Variants in PARD3B observed in about 807,000 individuals in gnomAD.
PARD3B encodes the protein partitioning defective 3 homolog B.
In PARD3B, 103 loss-of-function variants were observed where a neutral mutation model predicts 130.2. The observed-to-expected ratio is 0.79, with a 90% CI of 0.67 to 0.93. The LOEUF (loss-of-function observed/expected upper bound fraction) is 0.93. Ranked by LOEUF, PARD3B falls within the 40% of genes least tolerant of loss-of-function variation. PARD3B has a pLI of 0.00. For missense variants in PARD3B, 1,609 were observed against 1,499.2 expected, an observed-to-expected ratio of 1.07 and a Z score of -1.21; for synonymous variants, 583 against 553.2, an observed-to-expected ratio of 1.05 and a Z score of -0.76.
intron 20 of PARD3B, among the ~76,000 whole-genome samples, chr2:205,472,002 G>A (rs887117470): frequency 6.6e-6 from 1 of 152,154 alleles, no homozygotes; most frequent in Non-Finnish European, 1.5e-5. Flanking sequence ...AGCAAGGCTG[G>A]TTTCTGTCTG....
At chr2:205,609,835 C>T (rs2055166506) in intron 22 of PARD3B, among the ~76,000 whole-genome samples, 1 of 152,120 alleles carries the variant, frequency 6.6e-6, no homozygotes, top group Admixed American at 6.6e-5. Context: ...CTCTGTGACT[C>T]TTCAACTTCA....
chr2:204,643,039 G>C (rs1438009314), intron 1 of PARD3B, among the ~76,000 whole-genome samples: 1 of 145,964 alleles, frequency 6.9e-6, no homozygotes, highest in Non-Finnish European at 1.5e-5. Flanking sequence ...ATTTGAACCC[G>C]GGGGGCGCAG....
At chr2:205,453,848 A>G (rs2048183928) in intron 20 of PARD3B, among the ~76,000 whole-genome samples, 2 of 152,194 alleles carry the variant, frequency 1.3e-5, no homozygotes, top group African/African-American at 4.8e-5. Context: ...GACATAGGGT[A>G]TGTGTATAGC....
chr2:205,058,177 T>A (rs963166274), intron 4 of PARD3B, among the ~76,000 whole-genome samples: 8 of 151,940 alleles, frequency 5.3e-5, no homozygotes, highest in Non-Finnish European at 1.2e-4. Flanking sequence ...TGTCCTTTTT[T>A]AATTGTATTT....
chr2:204,997,683 A>G (rs1575515921), intron 3 of PARD3B, among the ~76,000 whole-genome samples: 1 of 151,858 alleles, frequency 6.6e-6, no homozygotes, highest in Non-Finnish European at 1.5e-5. Flanking sequence ...TTTTCAAATT[A>G]TTTTATTTTT....
At chr2:205,556,660 A>C (rs978098734) in intron 22 of PARD3B, among the ~76,000 whole-genome samples, 7 of 152,172 alleles carry the variant, frequency 4.6e-5, no homozygotes, top group African/African-American at 1.7e-4. Flanking sequence ...GCTGTTTTGG[A>C]AAGCGGAGTG....
At position 204,881,813 on chromosome 2, in the gene PARD3B, G is replaced by T. The variant is rs191505463; in HGVS notation, c.223-83339G>T. Among the ~76,000 whole-genome samples the T allele has an allele frequency of 3.9e-5, 6 of 152,332 alleles. No individual in the cohort carries two copies. In the East Asian group the frequency reaches 1.2e-3, roughly 29 times the overall value. On this transcript the variant is annotated intron_variant, in intron 2 of 22. Transcript: ENST00000406610. ...TGCTGCTGCTGTGTGTTGTGCATCT[G>T]CTATCAAGGACTGCCTAGTCGCCTC...
At chr2:204,570,979 CAACTGAGGTGTATAAGCTGTTGT>C (rs1277406153) in intron 1 of PARD3B, among the ~76,000 whole-genome samples, 2 of 74,462 alleles carry the variant, frequency 2.7e-5, no homozygotes, top group Non-Finnish European at 2.9e-5. Context: ...TAAGCTGTTG[CAACTGAGGTGTATAAGCTGTTGT>C]AACTGAGGTG....
At chr2:205,225,610 T>C (rs2038502632) in intron 15 of PARD3B, among the ~76,000 whole-genome samples, 1 of 152,234 alleles carries the variant, frequency 6.6e-6, no homozygotes, top group Non-Finnish European at 1.5e-5. Flanking sequence ...AACTCATAGT[T>C]CTGCAGGCTG....
intron 3 of PARD3B, among the ~76,000 whole-genome samples, chr2:205,008,644 G>A (rs911633542): frequency 2.0e-5 from 3 of 152,042 alleles, no homozygotes; most frequent in African/African-American, 2.4e-5. Context: ...AGATAAAACC[G>A]AGATAGAAAA....
At chr2:205,328,430 A>C (rs918857525) in intron 18 of PARD3B, among the ~76,000 whole-genome samples, 1 of 152,172 alleles carries the variant, frequency 6.6e-6, no homozygotes, top group African/African-American at 2.4e-5. Context: ...TCTTGCAGAT[A>C]ATAACCCCCT....
At chr2:205,472,674 G>C (rs1220926657) in intron 20 of PARD3B, among the ~76,000 whole-genome samples, 1 of 152,056 alleles carries the variant, frequency 6.6e-6, no homozygotes, top group African/African-American at 2.4e-5. Context: ...AGCCAAATAG[G>C]GTAAAACAAG....
chr2:205,537,674 G>A (rs768311476), intron 21 of PARD3B, among the ~76,000 whole-genome samples: 6 of 152,110 alleles, frequency 3.9e-5, no homozygotes, highest in Non-Finnish European at 5.9e-5. Flanking sequence ...CTCTACCTGC[G>A]CACACAACCT....
In PARD3B at chr2:205,120,248, ATTAC is replaced by A. The variant is rs759604183; in HGVS notation, c.806+1205_806+1208del. Among the ~76,000 whole-genome samples, 38 of 152,302 alleles carry A rather than the reference ATTAC, an allele frequency of 2.5e-4. 1 individual carries two copies. Among genetic ancestry groups the A allele is most frequent in the East Asian group, 2.3e-3 (12 of 5,180 alleles). ...TTGATAATTATGCAAAGCAATCATT[ATTAC>A]TTCTGTTTTATAGAGGTGGAAACTG... On this transcript the variant is annotated intron_variant, in intron 7 of 22. Coordinates refer to ENST00000406610, the MANE Select transcript of PARD3B (RefSeq NM_001302769.2).
chr2:204,851,078 G>A (rs2044690452), intron 2 of PARD3B, among the ~76,000 whole-genome samples: 1 of 152,140 alleles, frequency 6.6e-6, no homozygotes, highest in Admixed American at 6.5e-5. Flanking sequence ...AATAATGTAA[G>A]TATTCCCAAA....
intron 1 of PARD3B, among the ~76,000 whole-genome samples, chr2:204,625,171 A>G (rs1327619714): frequency 6.6e-6 from 1 of 152,038 alleles, no homozygotes; most frequent in East Asian, 1.9e-4. Context: ...TTGTCTTTTC[A>G]TCCTCATTTT....
At chr2:205,364,133 T>C (rs2105888757) in intron 18 of PARD3B, among the ~76,000 whole-genome samples, 1 of 152,136 alleles carries the variant, frequency 6.6e-6, no homozygotes, top group East Asian at 1.9e-4. Flanking sequence ...CATGCCAGAG[T>C]AACAGGATAA....
rs564959529 is a variant in PARD3B at position 205,390,252 on chromosome 2, C to T, written c.2631-10761C>T. On this transcript the variant is annotated intron_variant, in intron 18 of 22. Coordinates refer to ENST00000406610, the MANE Select transcript of PARD3B (RefSeq NM_001302769.2). Reference sequence around the variant, plus strand: ...GGAAAAAACAATTCTATGATGTTCTCATTGTCTTTCCAGGCAAAATTTTAT... The same window carrying T: ...GGAAAAAACAATTCTATGATGTTCTTATTGTCTTTCCAGGCAAAATTTTAT... Among the ~76,000 whole-genome samples, 21 of 149,150 alleles carry T rather than the reference C, an allele frequency of 1.4e-4. 1 individual carries two copies. The South Asian group carries it at 4.0e-3, about 29-fold the overall frequency.
chr2:205,424,538 G>T (rs1440458205), intron 19 of PARD3B, among the ~76,000 whole-genome samples: 1 of 152,182 alleles, frequency 6.6e-6, no homozygotes, highest in East Asian at 1.9e-4. Context: ...TTTTATGTGA[G>T]TCGGCTTTGA....
Sources: allele counts gnomAD v4.1 joint callset (sites outside exome capture counted in the v4.1 genomes callset), GRCh38; gene constraint gnomAD v4.1.1; transcripts MANE v1.5; gene names NCBI Gene and HGNC (gene_info 2026-07-23, HGNC 2026-07-21).